Variants in RHOU observed in about 807,000 individuals in gnomAD.
The protein encoded by RHOU is ras homolog family member U.
Under a neutral mutation model 12.6 loss-of-function variants are expected in RHOU, and 8 were observed. That is an observed-to-expected ratio of 0.64 (90% CI 0.37 to 1.15). The LOEUF (loss-of-function observed/expected upper bound fraction) is 1.15. RHOU is among the 50% of genes most tolerant of loss of function. RHOU has a pLI of 0.01. For synonymous variants in RHOU, 161 were observed against 147.4 expected (o/e 1.09, Z -0.67); for missense variants, 258 against 347.0 (o/e 0.74, Z 2.04).
chr1:228,669,602 T>C, the RHOU span, among the ~76,000 whole-genome samples: 2 of 152,224 alleles, frequency 1.3e-5, no homozygotes, highest in African/African-American at 4.8e-5. Context: ...GAAATGTTAT[T>C]GGAATAGAAC....
At chr1:228,680,797 C>G in the RHOU span, among the ~76,000 whole-genome samples, 39 of 152,116 alleles carry the variant, frequency 2.6e-4, 1 homozygote. Context: ...TGGGTAGTTT[C>G]TTTAAGTTTG....
the RHOU span, among the ~76,000 whole-genome samples, chr1:228,671,712 C>CAA: frequency 0.18 from 11,223 of 62,834 alleles, 1,092 homozygotes; most frequent in Non-Finnish European, 0.26. Context: ...GACTCCATCT[C>CAA]AAAAAAAAAA....
the RHOU span, among the ~76,000 whole-genome samples, chr1:228,709,538 A>G: frequency 6.7e-6 from 1 of 149,814 alleles, no homozygotes; most frequent in Admixed American, 6.7e-5. Context: ...TGGAAACTGA[A>G]CAACCTGCTC....
rs1662794952 is a variant in RHOU at position 228,744,789 on chromosome 1, G to T, written c.*1049G>T. On this transcript the variant is annotated 3_prime_UTR_variant, in exon 3 of 3. Transcript: ENST00000366691. ...CACAGATACATAGGTCTGTATGGCT[G>T]TATTTGCTGTTGATTCAGACTTTCA... 1 of 152,218 alleles carries T rather than the reference G, an allele frequency of 6.6e-6. No individual in the cohort carries two copies. Among genetic ancestry groups the T allele is most frequent in the Non-Finnish European group, 1.5e-5 (1 of 68,042 alleles). The allele number at this position is 152,218 out of a possible 1,614,324, so 9.4% of individuals were successfully genotyped here.
At chr1:228,724,873 G>A in the RHOU span, among the ~76,000 whole-genome samples, 2 of 152,230 alleles carry the variant, frequency 1.3e-5, no homozygotes, top group African/African-American at 4.8e-5. Context: ...CACCCTTATA[G>A]ATAGTAAAGA....
chr1:228,695,610 A>T, the RHOU span, among the ~76,000 whole-genome samples: 1 of 152,082 alleles, frequency 6.6e-6, no homozygotes, highest in African/African-American at 2.4e-5. Flanking sequence ...GGCTCACAGA[A>T]CTCAGTTTAC....
chr1:228,682,439 G>A, the RHOU span, among the ~76,000 whole-genome samples: 2 of 152,222 alleles, frequency 1.3e-5, no homozygotes, highest in African/African-American at 4.8e-5. Flanking sequence ...TAGGTGGGCT[G>A]AGTCCAAAAA....
At chr1:228,669,833 T>A in the RHOU span, among the ~76,000 whole-genome samples, 1 of 152,216 alleles carries the variant, frequency 6.6e-6, no homozygotes, top group Admixed American at 6.5e-5. Flanking sequence ...CTCAAAGTCA[T>A]AGTGATGCTT....
At chr1:228,659,481 C>T in the RHOU span, among the ~76,000 whole-genome samples, 1 of 150,600 alleles carries the variant, frequency 6.6e-6, no homozygotes, top group Non-Finnish European at 1.5e-5. Context: ...AAACCCAACA[C>T]TAGCAGAAGG....
At chr1:228,658,788 C>T in the RHOU span, among the ~76,000 whole-genome samples, 1 of 152,112 alleles carries the variant, frequency 6.6e-6, no homozygotes, top group Non-Finnish European at 1.5e-5. Flanking sequence ...CCTGTAAAAC[C>T]TGGGTATTAA....
the RHOU span, among the ~76,000 whole-genome samples, chr1:228,709,471 A>G: frequency 2.9e-4 from 43 of 150,450 alleles, no homozygotes; most frequent in Non-Finnish European, 3.7e-4. Flanking sequence ...CTCAGACCAC[A>G]GTGCAATCAA....
chr1:228,694,637 G>A, the RHOU span, among the ~76,000 whole-genome samples: 1 of 152,106 alleles, frequency 6.6e-6, no homozygotes, highest in Non-Finnish European at 1.5e-5. Flanking sequence ...TCACATCCCT[G>A]CAAAGGACAT....
At chr1:228,697,691 G>C in the RHOU span, among the ~76,000 whole-genome samples, 1 of 152,208 alleles carries the variant, frequency 6.6e-6, no homozygotes, top group Non-Finnish European at 1.5e-5. Flanking sequence ...TGTAGTCACT[G>C]TTCTCAGGCC....
the RHOU span, among the ~76,000 whole-genome samples, chr1:228,714,357 A>G: frequency 2.1e-4 from 32 of 152,308 alleles, no homozygotes; most frequent in East Asian, 5.8e-3. Flanking sequence ...AATAATTAGG[A>G]AAATATCCTT....
At position 228,736,003 on chromosome 1, in the gene RHOU, C is replaced by T. The variant is rs1348012935; in HGVS notation, c.261C>T (p.Ser87=). ...EYIPTAFDNF[S]AVVSVDGRPV... ...TCCCTACTGCCTTCGACAACTTCTCCGGTGAGCTGGCCGGGGGGCCGGGGC... is the reference window on the plus strand; with the variant it reads ...TCCCTACTGCCTTCGACAACTTCTCTGGTGAGCTGGCCGGGGGGCCGGGGC... The change falls in exon 1 of 3, where the codon TCC becomes TCT. Residue 87 remains serine, a splice_region_variant and synonymous_variant. Coordinates refer to ENST00000366691, the MANE Select transcript of RHOU (RefSeq NM_021205.6). 7 of 1,573,440 alleles carry T rather than the reference C, an allele frequency of 4.4e-6. No homozygotes were observed. In the East Asian group the frequency reaches 1.7e-4, roughly 39 times the overall value.
At chr1:228,704,792 A>C in the RHOU span, among the ~76,000 whole-genome samples, 1 of 151,614 alleles carries the variant, frequency 6.6e-6, no homozygotes, top group East Asian at 1.9e-4. Context: ...TTTTATAAAG[A>C]ATTTTTTGTT....
the RHOU span, chr1:228,651,451 A>T: frequency 1.3e-5 from 2 of 153,230 alleles, no homozygotes; most frequent in South Asian, 4.1e-4. Flanking sequence ...GACATTTCAC[A>T]TCTGTGCAAT....
chr1:228,686,465 T>C, the RHOU span, among the ~76,000 whole-genome samples: 2 of 152,180 alleles, frequency 1.3e-5, no homozygotes, highest in Non-Finnish European at 2.9e-5. Context: ...AATAATTACA[T>C]ATTTGCAGTT....
the RHOU span, among the ~76,000 whole-genome samples, chr1:228,726,144 C>T: frequency 6.6e-5 from 10 of 152,138 alleles, no homozygotes; most frequent in Middle Eastern, 3.2e-3. Flanking sequence ...TCCTAATATA[C>T]ACTGGAAAAC....
Sources: gnomAD v4.1 joint callset for allele counts (sites outside exome capture counted in the v4.1 genomes callset) on GRCh38, gnomAD v4.1.1 for gene constraint, MANE v1.5 for transcripts, NCBI Gene and HGNC (gene_info 2026-07-23, HGNC 2026-07-21) for gene names.